The following CNTNAP3 variants were observed in gnomAD, a reference collection of about 807,000 sequenced individuals.
CNTNAP3 encodes the protein contactin associated protein family member 3.
In CNTNAP3, 36 loss-of-function variants were observed where a neutral mutation model predicts 92.1. That is an observed-to-expected ratio of 0.39 (90% CI 0.30 to 0.52). The LOEUF (loss-of-function observed/expected upper bound fraction) is 0.52. Ranked by LOEUF, CNTNAP3 falls within the 20% of genes least tolerant of loss-of-function variation. The pLI is 0.76. For synonymous variants in CNTNAP3, 232 were observed against 422.3 expected (o/e 0.55, Z 5.53); for missense variants, 534 against 1,069.6 (o/e 0.50, Z 6.98).
rs578142584 is a variant in CNTNAP3 at position 39,178,147 on chromosome 9, AT to A, written c.742+9del. ...TAACTACTGGTATAAAAGTTCAAGT[AT>A]TTTTTTACCTGAATTAAGAAAAAAG... On this transcript the variant is annotated intron_variant, in intron 5 of 23. Coordinates refer to ENST00000297668, the MANE Select transcript of CNTNAP3 (RefSeq NM_033655.5). 9 of 336,906 alleles carry A rather than the reference AT, an allele frequency of 2.7e-5. No homozygotes were observed. The highest frequency in any genetic ancestry group is 4.0e-5 in the Non-Finnish European group (8 of 200,028). 20.9% of individuals were successfully genotyped at this position (336,906 alleles called of 1,614,324 possible). A position where few individuals can be genotyped will look rare whatever the true frequency, so the allele number is the denominator to read the frequency against.
At chr9:39,107,555 G>T (rs970814062) in intron 15 of CNTNAP3, among the ~76,000 whole-genome samples, 41 of 152,098 alleles carry the variant, frequency 2.7e-4, no homozygotes, top group African/African-American at 9.4e-4. Context: ...CAGAAAAGAT[G>T]ATTTTTAAGG....
Position 39,065,395 on chromosome 9 carries a change from A to G in CNTNAP3, c.*8495T>C, listed in dbSNP as rs1325509864. Among the ~76,000 whole-genome samples, 1 of 152,252 alleles carries G rather than the reference A, an allele frequency of 6.6e-6. No individual in the cohort carries two copies. Among genetic ancestry groups the G allele is most frequent in the Non-Finnish European group, 1.5e-5 (1 of 68,040 alleles). The stretch of plus-strand genomic sequence containing the variant: ...TTTTCTTGTTGAAGGTCTTTTAGGC[A>G]GTTTACAGTTTGGGGATATTATAAG... On this transcript the variant is annotated 3_prime_UTR_variant, in exon 24 of 24. Transcript: ENST00000297668.
intron 15 of CNTNAP3, among the ~76,000 whole-genome samples, chr9:39,108,711 T>C (rs565310485): frequency 6.6e-6 from 1 of 152,090 alleles, no homozygotes; most frequent in Non-Finnish European, 1.5e-5. Context: ...TGAACGAAAA[T>C]GCTGCAGGAA....
chr9:39,085,562 A>G, intron 21 of CNTNAP3, 174 bp downstream of exon 21: 1 of 647,386 alleles, frequency 1.5e-6, no homozygotes, highest in African/African-American at 1.9e-5. Context: ...TCTCACAGGT[A>G]GCACTTAGTC....
At chr9:39,124,563 A>C (rs1161964446) in intron 13 of CNTNAP3, among the ~76,000 whole-genome samples, 1 of 152,210 alleles carries the variant, frequency 6.6e-6, no homozygotes. Context: ...CTACCATCAG[A>C]GTGAACAGGC....
At chr9:39,170,501 A>C (rs1822238427) in intron 8 of CNTNAP3, among the ~76,000 whole-genome samples, 1 of 82,070 alleles carries the variant, frequency 1.2e-5, no homozygotes, top group African/African-American at 9.9e-5. Flanking sequence ...TGCTCCTCCC[A>C]TCTGCAAATC....
chr9:39,134,305 T>C (rs1464481445), intron 12 of CNTNAP3, among the ~76,000 whole-genome samples: 3 of 152,178 alleles, frequency 2.0e-5, no homozygotes, highest in African/African-American at 7.2e-5. Flanking sequence ...AATTTTAAAT[T>C]AAATTATCAC....
intron 10 of CNTNAP3, among the ~76,000 whole-genome samples, chr9:39,148,713 G>A (rs1821766217): frequency 6.6e-6 from 1 of 152,080 alleles, no homozygotes; most frequent in Non-Finnish European, 1.5e-5. Flanking sequence ...TTTTAGTAGA[G>A]ACGGGGTTTC....
rs1822479599 is a variant in CNTNAP3 at position 39,183,884 on chromosome 9, T to TGGG, written c.539-5525_539-5524insCCC. ...AAAAATCAAGGTGTAGGCAATTTCA[T>TGGG]ATCAACTCACTAATTGCCATTTGCA... On this transcript the variant is annotated intron_variant, in intron 4 of 23. Transcript: ENST00000297668. Among the ~76,000 whole-genome samples the TGGG allele has an allele frequency of 6.3e-5, 9 of 142,598 alleles. No homozygotes were observed. In the South Asian group the frequency reaches 2.0e-3, roughly 32 times the overall value. 93.5% of individuals were successfully genotyped at this position (142,598 alleles called of 152,430 possible). A position where few individuals can be genotyped will look rare whatever the true frequency, so the allele number is the denominator to read the frequency against.
chr9:39,149,304 C>T lies in CNTNAP3; in HGVS notation c.1649+502G>A, dbSNP rs547125042. Among the ~76,000 whole-genome samples, 384 of 152,012 alleles carry T rather than the reference C, an allele frequency of 2.5e-3. 4 individuals are homozygous for T. The highest frequency in any genetic ancestry group is 8.8e-3 in the African/African-American group (363 of 41,476). ...AAGGTGTATGTCTTCTAATAAAATA[C>T]TATCATTTAAAAAATGCTATTTATT... On this transcript the variant is annotated intron_variant, in intron 10 of 23. Coordinates refer to ENST00000297668, the MANE Select transcript of CNTNAP3 (RefSeq NM_033655.5).
At chr9:39,132,082 G>A (rs1309741493) in intron 13 of CNTNAP3, among the ~76,000 whole-genome samples, 1 of 152,046 alleles carries the variant, frequency 6.6e-6, no homozygotes, top group African/African-American at 2.4e-5. Flanking sequence ...AGGCAGTGAA[G>A]CAATCACAGC....
rs1185488151 is a variant in CNTNAP3, at chr9:39,103,891, A to G, written c.2389T>C (p.Phe797Leu). The G allele has an allele frequency of 3.1e-6, 5 of 1,609,376 alleles. No homozygotes were observed. The highest frequency in any genetic ancestry group is 4.2e-6 in the Non-Finnish European group (5 of 1,178,876). ...TGAAGGTATGAAGTCTCAGTGTTGA[A>G]GGAAGCTGAATTCCAGAATGACTCT... The part of the protein sequence containing the change: ...GDQSFWNSAS[F>L]NTETSYLHFP... Residue 797 changes from phenylalanine to leucine, a missense_variant, in exon 16 of 24, where the codon TTC becomes CTC. Transcript: ENST00000297668.
chr9:39,112,067 T>C (rs574544388), intron 14 of CNTNAP3, among the ~76,000 whole-genome samples: 8 of 151,450 alleles, frequency 5.3e-5, no homozygotes, highest in South Asian at 4.2e-4. Flanking sequence ...CTAAAGCTTA[T>C]ACTATAGTCT....
At chr9:39,150,103 C>T (rs1400434308) in intron 9 of CNTNAP3, 126 bp from the exon 10 acceptor site, 6 of 657,482 alleles carry the variant, frequency 9.1e-6, no homozygotes, top group Non-Finnish European at 1.6e-5. Flanking sequence ...TGAGCTTCAC[C>T]ATTCATTAGA....
At chr9:39,104,746 T>C (rs1255843746) in intron 15 of CNTNAP3, among the ~76,000 whole-genome samples, 1 of 152,102 alleles carries the variant, frequency 6.6e-6, no homozygotes, top group Non-Finnish European at 1.5e-5. Flanking sequence ...CTTGGATTTG[T>C]CTGACATACT....
chr9:39,139,098 T>G (rs114943752), intron 12 of CNTNAP3, among the ~76,000 whole-genome samples: 1 of 152,132 alleles, frequency 6.6e-6, no homozygotes, highest in Non-Finnish European at 1.5e-5. Flanking sequence ...TTACTGGCTA[T>G]AGCGCAATGG....
intron 13 of CNTNAP3, among the ~76,000 whole-genome samples, chr9:39,123,241 C>A (rs1255436280): frequency 1.3e-5 from 2 of 151,826 alleles, no homozygotes; most frequent in Non-Finnish European, 2.9e-5. Context: ...ACTACAGGCG[C>A]CCGCCACCAC....
At chr9:39,142,475 A>G (rs543096456) in intron 11 of CNTNAP3, among the ~76,000 whole-genome samples, 1 of 152,200 alleles carries the variant, frequency 6.6e-6, no homozygotes, top group East Asian at 1.9e-4. Flanking sequence ...GATCGAGACC[A>G]TCCCGGCTAA....
At chr9:39,102,755 C>G in intron 16 of CNTNAP3, 40 bp from the exon 17 acceptor site, 1 of 695,362 alleles carries the variant, frequency 1.4e-6, no homozygotes, top group East Asian at 2.7e-5. Flanking sequence ...AGCAAATTCA[C>G]AGAAAATTGA....
Sources: allele counts gnomAD v4.1 joint callset (sites outside exome capture counted in the v4.1 genomes callset), GRCh38; gene constraint gnomAD v4.1.1; transcripts MANE v1.5; gene names NCBI Gene and HGNC (gene_info 2026-07-23, HGNC 2026-07-21).